The following PPP1R42 variants were observed in gnomAD, a reference collection of about 807,000 sequenced individuals.
The protein encoded by PPP1R42 is leucine rich repeat containing 67.
Under a neutral mutation model 31.0 loss-of-function variants are expected in PPP1R42, and 34 were observed. The observed-to-expected ratio is 1.10, with a 90% CI of 0.83 to 1.46. The LOEUF (loss-of-function observed/expected upper bound fraction) is 1.46. Among genes scored for constraint, PPP1R42 ranks in the 40% most tolerant of loss-of-function variants. The pLI is 0.00. For synonymous variants in PPP1R42, 103 were observed against 109.8 expected (o/e 0.94, Z 0.39); for missense variants, 268 against 303.0 (o/e 0.88, Z 0.86).
intron 5 of PPP1R42, among the ~76,000 whole-genome samples, chr8:66,999,470 C>T (rs1463385327): frequency 1.3e-5 from 2 of 152,210 alleles, no homozygotes; most frequent in South Asian, 2.1e-4. Flanking sequence ...ATCCTCCTGC[C>T]TTGGCCTCCC....
intron 6 of PPP1R42, among the ~76,000 whole-genome samples, chr8:66,982,602 G>A (rs1814877117): frequency 6.6e-6 from 1 of 151,992 alleles, no homozygotes; most frequent in Non-Finnish European, 1.5e-5. Context: ...GACCACAGGT[G>A]TGCACCACCA....
Position 66,982,192 on chromosome 8 carries a change from T to C in PPP1R42, c.671-12A>G. 7.6e-7 allele frequency: 1 copy of C among 1,312,670 alleles called. No individual in the cohort carries two copies. The highest frequency in any genetic ancestry group is 1.0e-6 in the Non-Finnish European group (1 of 1,001,556). 81.3% of individuals were successfully genotyped at this position (1,312,670 alleles called of 1,614,324 possible). A position where few individuals can be genotyped will look rare whatever the true frequency, so the allele number is the denominator to read the frequency against. The stretch of plus-strand genomic sequence containing the variant: ...TCCATCAAGAAATTCTGGAGAAAAA[T>C]ACATACATTTAAAAAATACAATATA... On this transcript the variant is annotated splice_polypyrimidine_tract_variant and intron_variant, in intron 6 of 7. Coordinates refer to ENST00000685739, the MANE Select transcript of PPP1R42 (RefSeq NM_001364910.1).
chr8:66,988,060 A>C, intron 6 of PPP1R42: 2 of 750,014 alleles, frequency 2.7e-6, no homozygotes, highest in Non-Finnish European at 1.6e-6. Context: ...CCAAGAGCTA[A>C]GGAGTCTCTT....
intron 7 of PPP1R42, among the ~76,000 whole-genome samples, chr8:66,977,065 G>C (rs1329631659): frequency 6.9e-6 from 1 of 144,982 alleles, no homozygotes; most frequent in East Asian, 2.0e-4. Flanking sequence ...ACGTAGTCTT[G>C]CTCTGTCACA....
chr8:67,010,165 C>G (rs1238193550), intron 5 of PPP1R42, among the ~76,000 whole-genome samples: 1 of 152,168 alleles, frequency 6.6e-6, no homozygotes, highest in Non-Finnish European at 1.5e-5. Context: ...TTCCTTTGTT[C>G]TACACTGAGT....
intron 5 of PPP1R42, among the ~76,000 whole-genome samples, chr8:67,009,458 C>T (rs1203286652): frequency 6.6e-6 from 1 of 151,868 alleles, no homozygotes; most frequent in African/African-American, 2.4e-5. Context: ...ATCCCAGATA[C>T]TCGGGAGGCT....
At chr8:67,017,493 A>C in intron 2 of PPP1R42, 126 bp downstream of exon 2, 1 of 484,572 alleles carries the variant, frequency 2.1e-6, no homozygotes, top group Non-Finnish European at 3.3e-6. Flanking sequence ...GAGAGACTCT[A>C]TCTCAAAAAA....
chr8:66,970,840 T>G (rs750892312), intron 7 of PPP1R42: 54 of 732,102 alleles, frequency 7.4e-5, no homozygotes, highest in Non-Finnish European at 1.2e-4. Context: ...TTTTTTTCTT[T>G]CTTTCTATGT....
chr8:67,002,796 C>T (rs1236189906), intron 5 of PPP1R42, among the ~76,000 whole-genome samples: 2 of 126,848 alleles, frequency 1.6e-5, no homozygotes, highest in Non-Finnish European at 3.2e-5. Context: ...TCTTTAAATT[C>T]GCTGATCTTT....
At chr8:66,980,364 C>T (rs753008604) in intron 7 of PPP1R42, among the ~76,000 whole-genome samples, 7 of 151,920 alleles carry the variant, frequency 4.6e-5, no homozygotes, top group South Asian at 2.1e-4. Flanking sequence ...GTAGCTGGGA[C>T]GACAGGCACA....
intron 5 of PPP1R42, among the ~76,000 whole-genome samples, chr8:67,008,981 C>T (rs1037767380): frequency 3.3e-5 from 5 of 152,020 alleles, no homozygotes; most frequent in Non-Finnish European, 4.4e-5. Flanking sequence ...AAGTAATGGC[C>T]GTTACCAGGC....
At chr8:66,967,045 C>T (rs1053910956) in intron 7 of PPP1R42, among the ~76,000 whole-genome samples, 2 of 152,094 alleles carry the variant, frequency 1.3e-5, no homozygotes, top group South Asian at 2.1e-4. Flanking sequence ...GGCACAATCG[C>T]GGCTCACTGC....
At chr8:67,001,747 AGTTT>A (rs1183974630) in intron 5 of PPP1R42, among the ~76,000 whole-genome samples, 1 of 152,168 alleles carries the variant, frequency 6.6e-6, no homozygotes, top group Admixed American at 6.5e-5. Context: ...TGCTATTGTT[AGTTT>A]ATTTTACTTT....
intron 7 of PPP1R42, among the ~76,000 whole-genome samples, chr8:66,972,330 A>C (rs1814560536): frequency 6.6e-6 from 1 of 152,206 alleles, no homozygotes; most frequent in South Asian, 2.1e-4. Flanking sequence ...AGAAAAGCTC[A>C]GAAAATTTTC....
chr8:67,000,709 C>T (rs993584108), intron 5 of PPP1R42, among the ~76,000 whole-genome samples: 4 of 152,176 alleles, frequency 2.6e-5, no homozygotes, highest in Admixed American at 2.0e-4. Flanking sequence ...CCACCTGCCT[C>T]AGCCTCCCAA....
chr8:67,014,582 G>A lies in PPP1R42; in HGVS notation c.140C>T (p.Ser47Phe). The A allele has an allele frequency of 1.3e-6, 2 of 1,530,282 alleles. No homozygotes were observed. Among genetic ancestry groups the A allele is most frequent in the Non-Finnish European group, 1.8e-6 (2 of 1,129,342 alleles). The allele number at this position is 1,530,282 out of a possible 1,614,324, so 94.8% of individuals were successfully genotyped here. ...TAAAACACTAAGATTTTTGCAAAGA[G>A]AGAGGTCTTCCTAAAAGGGAAACAA... is the stretch of plus-strand genomic sequence containing the variant. ...DKNIDAIEDL[S>F]LCKNLSVLYL... The change falls in exon 3 of 8, where the codon TCT becomes TTT. Residue 47 changes from serine (S) to phenylalanine (F), a missense_variant. Transcript: ENST00000685739.
At chr8:67,017,904 T>A in intron 1 of PPP1R42, 73 bp from the exon 2 acceptor site, 1 of 700,598 alleles carries the variant, frequency 1.4e-6, no homozygotes, top group Non-Finnish European at 2.0e-6. Flanking sequence ...ACTTACTCTT[T>A]AAATAATTCC....
At position 67,012,942 on chromosome 8, in the gene PPP1R42, T is replaced by G; in HGVS notation, c.435+16A>C. ...ATCACTATATTCCTTGTCAAAATAT[T>G]CAAATGTGAACTTACTGCCAGAGAA... On this transcript the variant is annotated intron_variant, in intron 4 of 7. Transcript: ENST00000685739. 6.3e-7 allele frequency: 1 copy of G among 1,587,638 alleles called. No homozygotes were observed. Among genetic ancestry groups the G allele is most frequent in the Non-Finnish European group, 8.5e-7 (1 of 1,171,682 alleles).
At chr8:67,017,859 A>G (rs1816063927) in intron 1 of PPP1R42, 28 bp from the exon 2 acceptor site, 19 of 1,173,628 alleles carry the variant, frequency 1.6e-5, no homozygotes, top group Non-Finnish European at 2.2e-6. Flanking sequence ...AAGGAGCATT[A>G]TGATATCATA....
Sources: allele counts gnomAD v4.1 joint callset (sites outside exome capture counted in the v4.1 genomes callset), GRCh38; gene constraint gnomAD v4.1.1; transcripts MANE v1.5; gene names NCBI Gene and HGNC (gene_info 2026-07-23, HGNC 2026-07-21).